The following UNC5C variants were observed in gnomAD, a reference collection of about 807,000 sequenced individuals.
UNC5C encodes unc-5 netrin receptor C, also known as netrin receptor UNC5C.
In UNC5C, 47 loss-of-function variants were observed where a neutral mutation model predicts 99.8. The observed-to-expected ratio is 0.47, with a 90% CI of 0.37 to 0.60. UNC5C has a LOEUF of 0.60. Among genes scored for constraint, UNC5C ranks in the 20% least tolerant of loss-of-function variants. The probability of loss-of-function intolerance (pLI) is 0.00; values close to 1 mark genes in which losing one functional copy is unlikely to be tolerated. For missense variants in UNC5C, 1,062 were observed against 1,165.9 expected (o/e 0.91, Z 1.30); for synonymous variants, 487 against 452.2 (o/e 1.08, Z -0.98).
rs1737728845 is a variant in UNC5C, at chr4:95,202,774, C to T, written c.2093G>A (p.Ser698Asn). ...GPLCCSSLEY[S>N]IRVYCLDDTQ... Reference sequence around the variant, plus strand: ...GTCATCCAGACAGTAGACTCGGATGCTGTACTCCAGCGAGGAGCAGCACAG... The same window carrying T: ...GTCATCCAGACAGTAGACTCGGATGTTGTACTCCAGCGAGGAGCAGCACAG... Residue 698 changes from serine (S) to asparagine (N), a missense_variant, in exon 12 of 16, where the codon AGC becomes AAC. Transcript: ENST00000453304. The T allele has an allele frequency of 6.2e-7, 1 of 1,614,214 alleles. No individual in the cohort carries two copies. Among genetic ancestry groups the T allele is most frequent in the South Asian group, 1.1e-5 (1 of 91,078 alleles).
chr4:95,483,329 C>G (rs1707641304), intron 1 of UNC5C, among the ~76,000 whole-genome samples: 1 of 151,760 alleles, frequency 6.6e-6, no homozygotes. Context: ...CAGATCAGCA[C>G]TTTTTATGTT....
intron 5 of UNC5C, among the ~76,000 whole-genome samples, chr4:95,249,003 T>G (rs570864911): frequency 6.6e-6 from 1 of 152,198 alleles, no homozygotes; most frequent in Non-Finnish European, 1.5e-5. Context: ...GTTTATCTTT[T>G]TTTTTATCTT....
intron 1 of UNC5C, among the ~76,000 whole-genome samples, chr4:95,496,786 C>A (rs1223540633): frequency 6.6e-6 from 1 of 151,836 alleles, no homozygotes; most frequent in Non-Finnish European, 1.5e-5. Flanking sequence ...GCACCTACCA[C>A]CCAAGAAATG....
intron 1 of UNC5C, among the ~76,000 whole-genome samples, chr4:95,364,083 T>C (rs1214183559): frequency 6.6e-6 from 1 of 152,194 alleles, no homozygotes; most frequent in Non-Finnish European, 1.5e-5. Flanking sequence ...TGGTCCCACT[T>C]TCTGCTGCCA....
intron 10 of UNC5C, among the ~76,000 whole-genome samples, chr4:95,214,134 A>T (rs1226518810): frequency 6.6e-6 from 1 of 152,198 alleles, no homozygotes; most frequent in African/African-American, 2.4e-5. Flanking sequence ...TTGTTTTATG[A>T]CTATATCCTA....
Position 95,169,303 on chromosome 4 carries a change from C to T in UNC5C, c.2727G>A (p.Leu909=). The change falls in exon 16 of 16, where the codon CTG becomes CTA. Residue 909 remains leucine, a synonymous_variant. Coordinates refer to ENST00000453304, the MANE Select transcript of UNC5C (RefSeq NM_003728.4). ...QNFPDGNLSM[L]AAVLEEMGRH... ...TTCCCATTTCTTCCAAGACAGCTGCCAGCATGCTCAGGTTTCCATCTGGGA... is the reference window on the plus strand; with the variant it reads ...TTCCCATTTCTTCCAAGACAGCTGCTAGCATGCTCAGGTTTCCATCTGGGA... The T allele has an allele frequency of 6.2e-7, 1 of 1,614,206 alleles. No individual in the cohort carries two copies. Among genetic ancestry groups the T allele is most frequent in the South Asian group, 1.1e-5 (1 of 91,086 alleles).
At chr4:95,506,388 A>G (rs142415375) in intron 1 of UNC5C, among the ~76,000 whole-genome samples, 21 of 152,140 alleles carry the variant, frequency 1.4e-4, no homozygotes, top group Non-Finnish European at 2.4e-4. Flanking sequence ...AGCACAGCAC[A>G]TTCCAGTCAA....
At chr4:95,332,473 G>T (rs1218221842) in intron 2 of UNC5C, among the ~76,000 whole-genome samples, 2 of 150,138 alleles carry the variant, frequency 1.3e-5, no homozygotes, top group Non-Finnish European at 3.0e-5. Flanking sequence ...AATGGGGAAA[G>T]GATTCCCTAT....
intron 11 of UNC5C, among the ~76,000 whole-genome samples, chr4:95,205,537 G>A (rs1233155621): frequency 6.6e-6 from 1 of 151,974 alleles, no homozygotes; most frequent in Non-Finnish European, 1.5e-5. Context: ...TAAAATATTA[G>A]GAGCTGGAAT....
At chr4:95,448,540 T>G (rs1316477734) in intron 1 of UNC5C, among the ~76,000 whole-genome samples, 3 of 152,126 alleles carry the variant, frequency 2.0e-5, no homozygotes, top group Non-Finnish European at 4.4e-5. Flanking sequence ...TAAGGAAAGA[T>G]AAGCAAAATG....
chr4:95,456,841 GATTT>G (rs1161052214), intron 1 of UNC5C, among the ~76,000 whole-genome samples: 3 of 152,088 alleles, frequency 2.0e-5, no homozygotes, highest in Admixed American at 6.6e-5. Context: ...ATGAGGTTGA[GATTT>G]ATTTGTTTAG....
intron 2 of UNC5C, among the ~76,000 whole-genome samples, chr4:95,312,883 C>T (rs1360691233): frequency 2.0e-5 from 3 of 152,158 alleles, no homozygotes; most frequent in African/African-American, 7.2e-5. Flanking sequence ...CTACAGTCAA[C>T]GTAGCCACAG....
At chr4:95,179,840 A>T (rs148050061) in intron 14 of UNC5C, among the ~76,000 whole-genome samples, 1 of 152,146 alleles carries the variant, frequency 6.6e-6, no homozygotes, top group East Asian at 1.9e-4. Context: ...TTTCAAGTAA[A>T]GCAATGTGAT....
intron 1 of UNC5C, among the ~76,000 whole-genome samples, chr4:95,528,373 C>T (rs752766070): frequency 6.6e-6 from 1 of 152,148 alleles, no homozygotes; most frequent in Non-Finnish European, 1.5e-5. Context: ...GGTCTCCCTC[C>T]CTTCATACGG....
chr4:95,207,465 C>T (rs567913407), intron 10 of UNC5C, among the ~76,000 whole-genome samples: 33 of 152,172 alleles, frequency 2.2e-4, no homozygotes, highest in Non-Finnish European at 3.5e-4. Context: ...ATAAAAATTG[C>T]CTTTAATCTT....
Position 95,349,900 on chromosome 4 carries a change from A to G in UNC5C, c.125-14269T>C, listed in dbSNP as rs1372517700. Among the ~76,000 whole-genome samples the G allele has an allele frequency of 6.6e-5, 10 of 152,234 alleles. No individual in the cohort carries two copies. The East Asian group carries it at 1.9e-3, about 29-fold the overall frequency. ...CTTTCTCAAATTTGGCTTAGAAATC[A>G]ATATTGGTTGATCACTTTCTATTTG... On this transcript the variant is annotated intron_variant, in intron 1 of 15. Coordinates refer to ENST00000453304, the MANE Select transcript of UNC5C (RefSeq NM_003728.4).
intron 1 of UNC5C, among the ~76,000 whole-genome samples, chr4:95,392,939 A>G (rs1745404152): frequency 6.6e-6 from 1 of 152,234 alleles, no homozygotes; most frequent in Non-Finnish European, 1.5e-5. Flanking sequence ...AAAGTCTCCC[A>G]TAAGACTATA....
At chr4:95,547,667 C>T (rs1723107533) in intron 1 of UNC5C, among the ~76,000 whole-genome samples, 1 of 152,258 alleles carries the variant, frequency 6.6e-6, no homozygotes, top group Non-Finnish European at 1.5e-5. Context: ...CAAGTAGGAG[C>T]TGGGCTTGGC....
At position 95,162,893 on chromosome 4, in the gene UNC5C, C is replaced by CTGTT. The variant is rs1337295367; in HGVS notation, c.*6337_*6340dup. 1 of 152,230 alleles carries CTGTT rather than the reference C, an allele frequency of 6.6e-6. No individual in the cohort carries two copies. The highest frequency in any genetic ancestry group is 1.5e-5 in the Non-Finnish European group (1 of 68,040). The allele number at this position is 152,230 out of a possible 1,614,324, so 9.4% of individuals were successfully genotyped here. A position where few individuals can be genotyped will look rare whatever the true frequency, so the allele number is the denominator to read the frequency against. On this transcript the variant is annotated 3_prime_UTR_variant, in exon 16 of 16. Transcript: ENST00000453304. Reference sequence around the variant, plus strand: ...TCAATCCGACCTTTCTGCAGTTGAACTGTTCCAAAGGGGACAGTAGGTGGA... The same window carrying CTGTT: ...TCAATCCGACCTTTCTGCAGTTGAACTGTTTGTTCCAAAGGGGACAGTAGGTGGA...
Sources: allele counts gnomAD v4.1 joint callset (sites outside exome capture counted in the v4.1 genomes callset), GRCh38; gene constraint gnomAD v4.1.1; transcripts MANE v1.5; gene names NCBI Gene and HGNC (gene_info 2026-07-23, HGNC 2026-07-21).